Variants in SCUBE1 observed in about 807,000 individuals in gnomAD.
The protein encoded by SCUBE1 is signal peptide, CUB and EGF-like domain-containing protein 1.
A neutral mutation model predicts 124.4 loss-of-function variants in SCUBE1; 59 were observed. The ratio of observed to expected loss-of-function variants is 0.47; its 90% confidence interval spans 0.38 to 0.59. The LOEUF (loss-of-function observed/expected upper bound fraction) is 0.59. Among genes scored for constraint, SCUBE1 ranks in the 20% least tolerant of loss-of-function variants. The pLI, the probability that SCUBE1 is intolerant of heterozygous loss-of-function variation, is 0.00. For missense variants in SCUBE1, 1,150 were observed against 1,371.2 expected, an observed-to-expected ratio of 0.84 and a Z score of 2.55; for synonymous variants, 545 against 550.9, an observed-to-expected ratio of 0.99 and a Z score of 0.15.
At chr22:43,298,947 G>A (rs1296500488) in intron 3 of SCUBE1, among the ~76,000 whole-genome samples, 1 of 151,990 alleles carries the variant, frequency 6.6e-6, no homozygotes, top group East Asian at 1.9e-4. Context: ...AGCTGCTTGG[G>A]AGGCTGAGGC....
At chr22:43,311,841 C>A (rs1223648032) in intron 3 of SCUBE1, among the ~76,000 whole-genome samples, 2 of 152,168 alleles carry the variant, frequency 1.3e-5, no homozygotes, top group Admixed American at 6.5e-5. Context: ...CTGCCCTATG[C>A]CTACCACTCT....
In SCUBE1 at chr22:43,231,772, G is replaced by A. The variant is rs772696637; in HGVS notation, c.948C>T (p.Thr316=). The part of the protein sequence containing the change: ...CGCRKGYKLL[T]DERTCQDIDE... ...GCTCACCCTGGCAGGTGCGCTCGTC[G>A]GTGAGCAGCTTGTAGCCCTTCCGGC... Residue 316 remains threonine, a synonymous_variant, in exon 8 of 22, where the codon ACC becomes ACT. Coordinates refer to ENST00000360835, the MANE Select transcript of SCUBE1 (RefSeq NM_173050.5). The A allele has an allele frequency of 1.2e-5, 20 of 1,600,318 alleles. No individual in the cohort carries two copies. Among genetic ancestry groups the A allele is most frequent in the South Asian group, 7.8e-5 (7 of 89,512 alleles).
intron 4 of SCUBE1, among the ~76,000 whole-genome samples, chr22:43,279,415 T>C (rs2146732816): frequency 6.6e-6 from 1 of 152,288 alleles, no homozygotes; most frequent in South Asian, 2.1e-4. Context: ...AACCTTTATT[T>C]TTAAGCCCAC....
In SCUBE1 at chr22:43,234,984, G is replaced by A. The variant is rs1179042026; in HGVS notation, c.845-3109C>T. On this transcript the variant is annotated intron_variant, in intron 7 of 21. Transcript: ENST00000360835. The surrounding 1 kb of genome is among the most constrained non-coding windows in gnomAD (Gnocchi z 4.4). ...AGCCCTGGGAAAAACGGCCCTTCCA[G>A]AAAGCCTTTCCCAGTGTTTTTCCAG... Among the ~76,000 whole-genome samples, 1 of 152,186 alleles carries A rather than the reference G, an allele frequency of 6.6e-6. No homozygotes were observed. The highest frequency in any genetic ancestry group is 1.5e-5 in the Non-Finnish European group (1 of 68,038).
At chr22:43,325,025 G>A (rs1926675386) in intron 2 of SCUBE1, among the ~76,000 whole-genome samples, 1 of 150,654 alleles carries the variant, frequency 6.6e-6, no homozygotes. Flanking sequence ...GACATACAGG[G>A]AGAAGAATAC....
intron 7 of SCUBE1, chr22:43,238,158 G>C (rs1168570675): frequency 6.5e-6 from 1 of 153,002 alleles, no homozygotes; most frequent in Non-Finnish European, 1.5e-5. Context: ...TGACTCAGGG[G>C]ACAAGTGGGA....
intron 10 of SCUBE1, among the ~76,000 whole-genome samples, chr22:43,225,782 C>T (rs1601810213): frequency 1.3e-5 from 2 of 151,976 alleles, no homozygotes; most frequent in Admixed American, 6.5e-5. Context: ...GGCAGGTTTG[C>T]GTAAACCTGC....
At chr22:43,269,971 A>G (rs1460043357) in intron 4 of SCUBE1, among the ~76,000 whole-genome samples, 1 of 152,162 alleles carries the variant, frequency 6.6e-6, no homozygotes, top group African/African-American at 2.4e-5. Flanking sequence ...CACACACCAG[A>G]GACTCCTTAC....
Position 43,231,865 on chromosome 22 carries a change from C to T in SCUBE1, c.855G>A (p.Glu285=). Residue 285 remains glutamate (E), a synonymous_variant, in exon 8 of 22, where the codon GAG becomes GAA. Coordinates refer to ENST00000360835, the MANE Select transcript of SCUBE1 (RefSeq NM_173050.5). ...CGCAGCCTCCGTTGTTGACCAGGCA[C>T]TCGTTGATGTCTGTGGGAGCCAAGG... ...PDGKTCKDIN[E]CLVNNGGCDH... 1.2e-6 allele frequency: 2 copies of T among 1,613,446 alleles called. No homozygotes were observed. Among genetic ancestry groups the T allele is most frequent in the Non-Finnish European group, 1.7e-6 (2 of 1,179,656 alleles).
chr22:43,262,596 T>G, intron 5 of SCUBE1, 124 bp downstream of exon 5: 1 of 1,164,102 alleles, frequency 8.6e-7, no homozygotes, highest in South Asian at 1.4e-5. Context: ...GGCCCTGCCC[T>G]TCTCTCCACC....
chr22:43,225,139 C>T (rs1013345596), intron 10 of SCUBE1, among the ~76,000 whole-genome samples: 1 of 152,172 alleles, frequency 6.6e-6, no homozygotes, highest in Non-Finnish European at 1.5e-5. Context: ...CCGAAATCCA[C>T]TTGCCACTCT....
intron 4 of SCUBE1, among the ~76,000 whole-genome samples, chr22:43,267,361 G>T (rs6003131): frequency 0.048 from 7,342 of 152,214 alleles, 586 homozygotes; most frequent in African/African-American, 0.17. Flanking sequence ...AAGAGAGAAA[G>T]AAAGCCCCCT....
chr22:43,230,971 C>T (rs1172204579), intron 8 of SCUBE1, among the ~76,000 whole-genome samples: 1 of 152,214 alleles, frequency 6.6e-6, no homozygotes, highest in East Asian at 1.9e-4. Context: ...CAAAAAACCA[C>T]CAGAGCACAG....
chr22:43,310,937 C>G (rs565906971), intron 3 of SCUBE1, among the ~76,000 whole-genome samples: 1 of 152,110 alleles, frequency 6.6e-6, no homozygotes, highest in Non-Finnish European at 1.5e-5. Context: ...CACCTCCATC[C>G]CTGGCTAATT....
intron 6 of SCUBE1, among the ~76,000 whole-genome samples, chr22:43,244,525 G>A (rs1923129766): frequency 6.6e-6 from 1 of 152,258 alleles, no homozygotes; most frequent in East Asian, 1.9e-4. Flanking sequence ...AAGGGAGAGT[G>A]AGCTGGGAGG....
chr22:43,199,014 T>C lies in SCUBE1; in HGVS notation c.*4983A>G. 2.8e-6 allele frequency: 1 copy of C among 354,572 alleles called. No homozygotes were observed. Among genetic ancestry groups the C allele is most frequent in the Non-Finnish European group, 5.5e-6 (1 of 180,688 alleles). The allele number at this position is 354,572 out of a possible 1,614,324, so 22.0% of individuals were successfully genotyped here. A position where few individuals can be genotyped will look rare whatever the true frequency, so the allele number is the denominator to read the frequency against. ...TCTGTCTGTCTGCTGTCCGGGGCAG[T>C]GTGTCTGTTTGTCTCTCTGCTGTCC... On this transcript the variant is annotated 3_prime_UTR_variant, in exon 22 of 22. Transcript: ENST00000360835.
rs750989629 is a variant in SCUBE1, at chr22:43,208,033, G to C, written c.2734+39C>G. On this transcript the variant is annotated intron_variant, in intron 20 of 21. Coordinates refer to ENST00000360835, the MANE Select transcript of SCUBE1 (RefSeq NM_173050.5). ...TCTCTGTGTCTCCAGGGCCCCGCCT[G>C]AGCCGTGCACAGTGGGCCGTGAAGA... The C allele has an allele frequency of 6.8e-6, 11 of 1,610,506 alleles. No individual in the cohort carries two copies. The Admixed American group carries it at 1.5e-4, about 22-fold the overall frequency.
At chr22:43,301,550 A>C (rs1027416882) in intron 3 of SCUBE1, among the ~76,000 whole-genome samples, 1 of 152,056 alleles carries the variant, frequency 6.6e-6, no homozygotes, top group African/African-American at 2.4e-5. Flanking sequence ...CTTCTCCTTC[A>C]GACCTCAGCT....
chr22:43,277,252 C>T (rs947739695), intron 4 of SCUBE1, among the ~76,000 whole-genome samples: 1 of 152,132 alleles, frequency 6.6e-6, no homozygotes, highest in African/African-American at 2.4e-5. Context: ...TGGTTCATGA[C>T]ATGCCAAGCA....
Sources: allele counts gnomAD v4.1 joint callset (sites outside exome capture counted in the v4.1 genomes callset), GRCh38; gene constraint gnomAD v4.1.1; non-coding constraint Gnocchi (gnomAD v3.1); transcripts MANE v1.5; gene names NCBI Gene and HGNC (gene_info 2026-07-23, HGNC 2026-07-21).